ADAMTSL1: variants seen among roughly 807,000 people sequenced by gnomAD.
ADAMTSL1 encodes ADAMTS like 1.
Under a neutral mutation model 201.8 loss-of-function variants are expected in ADAMTSL1, and 126 were observed. The observed-to-expected ratio is 0.62, with a 90% CI of 0.54 to 0.72. The LOEUF is 0.72. Among genes scored for constraint, ADAMTSL1 ranks in the 30% least tolerant of loss-of-function variants. The probability of loss-of-function intolerance (pLI) is 0.00; values close to 1 mark genes in which losing one functional copy is unlikely to be tolerated. For missense variants in ADAMTSL1, 2,679 were observed against 2,277.8 expected (o/e 1.18, Z -3.59); for synonymous variants, 1,121 against 903.4 (o/e 1.24, Z -4.32).
chr9:18,472,958 C>G (rs947503331), upstream of ADAMTSL1, among the ~76,000 whole-genome samples: 1 of 152,186 alleles, frequency 6.6e-6, no homozygotes, highest in African/African-American at 2.4e-5. Flanking sequence ...AAACCTTCCT[C>G]TAGTAGAGTC....
chr9:18,180,305 G>A (rs560451006), intron 2 of ADAMTSL1, among the ~76,000 whole-genome samples: 230 of 152,130 alleles, frequency 1.5e-3, no homozygotes, highest in African/African-American at 5.2e-3. Context: ...AGGCTGAGGC[G>A]GGCGGATCAC....
chr9:18,023,242 A>G (rs1033822195), intron 1 of ADAMTSL1, among the ~76,000 whole-genome samples: 1 of 152,088 alleles, frequency 6.6e-6, no homozygotes. Context: ...CTTAAAACAC[A>G]GATTGCTGGG....
At chr9:18,512,883 A>G (rs539388520) in intron 2 of ADAMTSL1, among the ~76,000 whole-genome samples, 1 of 152,352 alleles carries the variant, frequency 6.6e-6, no homozygotes, top group African/African-American at 2.4e-5. Flanking sequence ...TAAACAGTAT[A>G]TGCAGTATTG....
At position 18,171,387 on chromosome 9, in the gene ADAMTSL1, A is replaced by C. The variant is rs1827881978; in HGVS notation, c.207+7406A>C. 1.3e-5 allele frequency among the ~76,000 whole-genome samples: 2 copies of C among 152,104 alleles called. 1 individual carries two copies. The highest frequency in any genetic ancestry group is 4.1e-4 in the South Asian group (2 of 4,836). On this transcript the variant is annotated intron_variant, in intron 2 of 29. Transcript: ENST00000680146. ...GAATTTACTTAACTAGGACATAAAA[A>C]GCACAACCTGTAAAAGAAAATATTA...
At chr9:18,588,884 C>CATATATATATATATATAT (rs754566534) in intron 4 of ADAMTSL1, among the ~76,000 whole-genome samples, 33 of 122,852 alleles carry the variant, frequency 2.7e-4, no homozygotes, top group African/African-American at 6.8e-4. Flanking sequence ...TATACATATA[C>CATATATATATATATATAT]ATATATATAT....
chr9:18,812,250 T>C (rs910429490), intron 20 of ADAMTSL1, among the ~76,000 whole-genome samples: 6 of 121,196 alleles, frequency 5.0e-5, no homozygotes, highest in African/African-American at 9.4e-5. Flanking sequence ...TGGAACAGAA[T>C]AGAGAACTCA....
At chr9:18,289,170 T>TATCTATCTATCTATCTATC (rs763390848) in intron 2 of ADAMTSL1, among the ~76,000 whole-genome samples, 123 of 122,088 alleles carry the variant, frequency 1.0e-3, no homozygotes, top group African/African-American at 3.3e-3. Flanking sequence ...TCTATCTATC[T>TATCTATCTATCTATCTATC]ATCTACCTAC....
At chr9:18,499,480 C>T (rs1445481997) in intron 1 of ADAMTSL1, among the ~76,000 whole-genome samples, 2 of 152,212 alleles carry the variant, frequency 1.3e-5, no homozygotes, top group African/African-American at 4.8e-5. Context: ...AAAATGGAAT[C>T]TGCAGATTTG....
chr9:18,254,244 T>A lies in ADAMTSL1; in HGVS notation c.207+90263T>A, dbSNP rs1434477660. On this transcript the variant is annotated intron_variant, in intron 2 of 29. Coordinates refer to the ADAMTSL1 transcript ENST00000680146. ...TTAACAAGTAGTGTGTTAGTCATCA[T>A]TATTATTTGAGGGCTAACATTTACG... Among the ~76,000 whole-genome samples the A allele has an allele frequency of 2.6e-5, 4 of 152,084 alleles. No homozygotes were observed. The East Asian group carries it at 7.7e-4, about 29-fold the overall frequency.
At chr9:18,796,357 G>A (rs562934392) in intron 20 of ADAMTSL1, among the ~76,000 whole-genome samples, 10 of 152,280 alleles carry the variant, frequency 6.6e-5, no homozygotes, top group Admixed American at 5.9e-4. Context: ...CTTCCCCACT[G>A]ATCTGAGAAA....
intron 2 of ADAMTSL1, among the ~76,000 whole-genome samples, chr9:18,386,048 T>C (rs1379540584): frequency 6.6e-6 from 1 of 152,206 alleles, no homozygotes; most frequent in Non-Finnish European, 1.5e-5. Context: ...CCGAAAACCA[T>C]TAATTCATCA....
intron 1 of ADAMTSL1, among the ~76,000 whole-genome samples, chr9:18,089,521 G>A (rs1268821814): frequency 6.6e-6 from 1 of 152,208 alleles, no homozygotes; most frequent in South Asian, 2.1e-4. Context: ...CGTAGATGAC[G>A]GGTTGATGGG....
chr9:18,594,204 G>A (rs139588792), intron 4 of ADAMTSL1, among the ~76,000 whole-genome samples: 4 of 152,014 alleles, frequency 2.6e-5, no homozygotes, highest in East Asian at 3.9e-4. Context: ...TTCCTGGCCT[G>A]TAGGGTTTCT....
intron 23 of ADAMTSL1, among the ~76,000 whole-genome samples, chr9:18,833,121 A>C (rs1469499710): frequency 6.6e-6 from 1 of 152,238 alleles, no homozygotes; most frequent in Non-Finnish European, 1.5e-5. Context: ...ACACATGCAC[A>C]GGCCCACCTG....
At chr9:18,397,742 C>T (rs9407906) in intron 2 of ADAMTSL1, among the ~76,000 whole-genome samples, 25,723 of 152,090 alleles carry the variant, frequency 0.17, 2,398 homozygotes, top group South Asian at 0.25. Context: ...ATCAATGAAA[C>T]ACACTAATTT....
intron 3 of ADAMTSL1, among the ~76,000 whole-genome samples, chr9:18,566,781 G>A (rs1283660291): frequency 6.6e-6 from 1 of 152,120 alleles, no homozygotes; most frequent in African/African-American, 2.4e-5. Flanking sequence ...GCTCTCATAA[G>A]ACCATTCTGG....
chr9:18,482,251 C>T (rs990489828), intron 1 of ADAMTSL1, among the ~76,000 whole-genome samples: 3 of 152,152 alleles, frequency 2.0e-5, no homozygotes, highest in African/African-American at 4.8e-5. Flanking sequence ...AAGAAATTGC[C>T]GGACTCTAAT....
intron 1 of ADAMTSL1, among the ~76,000 whole-genome samples, chr9:17,908,936 A>G (rs1354710623): frequency 6.6e-6 from 1 of 151,788 alleles, no homozygotes; most frequent in Non-Finnish European, 1.5e-5. Flanking sequence ...CAGTCCCACC[A>G]ACAGTGTAAA....
chr9:18,509,881 T>C (rs762368073), intron 2 of ADAMTSL1, among the ~76,000 whole-genome samples: 2 of 152,246 alleles, frequency 1.3e-5, no homozygotes, highest in Non-Finnish European at 2.9e-5. Flanking sequence ...TCATTTGTAA[T>C]GGGATAATGA....
Sources: allele counts gnomAD v4.1 joint callset (sites outside exome capture counted in the v4.1 genomes callset), GRCh38; gene constraint gnomAD v4.1.1; transcripts MANE v1.5; gene names NCBI Gene and HGNC (gene_info 2026-07-23, HGNC 2026-07-21).